The following CERS6 variants were observed in gnomAD, a reference collection of about 807,000 sequenced individuals.
CERS6 encodes the protein ceramide synthase 6, also known as LAG1 homolog, ceramide synthase 6.
CERS6 carries 26 observed loss-of-function variants against 56.8 expected under a neutral mutation model. The ratio of observed to expected loss-of-function variants is 0.46; its 90% CI spans 0.34 to 0.63. The LOEUF (loss-of-function observed/expected upper bound fraction) is 0.63. CERS6 is among the 30% of genes least tolerant of loss of function. CERS6 has a pLI of 0.01. For synonymous variants in CERS6, 164 were observed against 173.3 expected, an observed-to-expected ratio of 0.95 and a Z score of 0.42; for missense variants, 415 against 467.5, an observed-to-expected ratio of 0.89 and a Z score of 1.04.
At chr2:168,741,241 TTAA>T (rs1683892452) in intron 8 of CERS6, among the ~76,000 whole-genome samples, 1 of 152,144 alleles carries the variant, frequency 6.6e-6, no homozygotes, top group African/African-American at 2.4e-5. Flanking sequence ...GCTATGATGA[TTAA>T]TAATAGCAGT....
intron 4 of CERS6, among the ~76,000 whole-genome samples, chr2:168,645,108 A>T (rs1275296430): frequency 1.9e-4 from 13 of 67,532 alleles, no homozygotes; most frequent in African/African-American, 7.3e-4. Context: ...AAAAAAAAAA[A>T]AAAAAAAAAT....
chr2:168,593,083 CA>C (rs1266500411), intron 3 of CERS6, among the ~76,000 whole-genome samples: 2 of 152,202 alleles, frequency 1.3e-5, no homozygotes, highest in Non-Finnish European at 2.9e-5. Context: ...AGCAGCATAA[CA>C]TCTTCCAATC....
intron 3 of CERS6, among the ~76,000 whole-genome samples, chr2:168,629,916 C>T (rs1452340304): frequency 6.6e-6 from 1 of 151,632 alleles, no homozygotes; most frequent in Non-Finnish European, 1.5e-5. Flanking sequence ...CCCGGGTTCA[C>T]GCCATTCTCC....
chr2:168,656,666 G>A (rs2105323116), intron 4 of CERS6, among the ~76,000 whole-genome samples: 1 of 152,296 alleles, frequency 6.6e-6, no homozygotes, highest in East Asian at 1.9e-4. Context: ...AAGCAGCGTG[G>A]ACCCAAAGAG....
intron 3 of CERS6, among the ~76,000 whole-genome samples, chr2:168,593,058 T>A (rs1363933900): frequency 2.6e-5 from 4 of 152,148 alleles, no homozygotes; most frequent in Admixed American, 1.3e-4. Flanking sequence ...TGACCCTTCC[T>A]CCACTTTGAA....
intron 3 of CERS6, among the ~76,000 whole-genome samples, chr2:168,590,053 A>C (rs1353898907): frequency 6.6e-6 from 1 of 152,226 alleles, no homozygotes; most frequent in Non-Finnish European, 1.5e-5. Flanking sequence ...AGAAGACTCC[A>C]GAAGTGCTCA....
chr2:168,572,738 A>G (rs16855525), intron 3 of CERS6, among the ~76,000 whole-genome samples: 3,659 of 152,060 alleles, frequency 0.024, 142 homozygotes, highest in East Asian at 0.18. Flanking sequence ...GTTGTTCTCT[A>G]CTAGAGCACT....
intron 4 of CERS6, among the ~76,000 whole-genome samples, chr2:168,636,754 A>G (rs887073233): frequency 6.6e-6 from 1 of 151,928 alleles, no homozygotes; most frequent in Non-Finnish European, 1.5e-5. Flanking sequence ...CCTCTTGCAT[A>G]TGTTCTGATT....
intron 1 of CERS6, among the ~76,000 whole-genome samples, chr2:168,539,895 C>G (rs13432604): frequency 0.18 from 26,709 of 152,146 alleles, 2,678 homozygotes; most frequent in Non-Finnish European, 0.23. Context: ...TTAACTGTTT[C>G]ATCTGTTATT....
At chr2:168,698,236 GAAAAAA>G (rs1214508784) in intron 6 of CERS6, among the ~76,000 whole-genome samples, 6 of 124,992 alleles carry the variant, frequency 4.8e-5, no homozygotes, top group Admixed American at 1.6e-4. Flanking sequence ...TGTCTCACAG[GAAAAAA>G]AAAAAAAAAA....
At chr2:168,526,819 C>T (rs1695080168) in intron 1 of CERS6, among the ~76,000 whole-genome samples, 1 of 152,210 alleles carries the variant, frequency 6.6e-6, no homozygotes, top group African/African-American at 2.4e-5. Context: ...ATGTCCTGGT[C>T]AGTTAGTATC....
chr2:168,768,759 AGCTGGGCATGGTG>A (rs1212515722), intron 9 of CERS6, among the ~76,000 whole-genome samples: 3 of 151,916 alleles, frequency 2.0e-5, no homozygotes, highest in Non-Finnish European at 2.9e-5. Context: ...TACAAAAATT[AGCTGGGCATGGTG>A]GCTCATGCCT....
chr2:168,543,778 A>G (rs1415581976), intron 1 of CERS6, among the ~76,000 whole-genome samples: 1 of 152,174 alleles, frequency 6.6e-6, no homozygotes, highest in Non-Finnish European at 1.5e-5. Context: ...ATGTTGAAAA[A>G]GAGCATACCT....
chr2:168,651,274 G>A (rs944374837), intron 4 of CERS6, among the ~76,000 whole-genome samples: 3 of 152,036 alleles, frequency 2.0e-5, no homozygotes, highest in African/African-American at 7.2e-5. Context: ...TCCTTTTCTT[G>A]TTTAGTCACT....
intron 1 of CERS6, among the ~76,000 whole-genome samples, chr2:168,489,714 A>G (rs1344466814): frequency 6.6e-6 from 1 of 151,946 alleles, no homozygotes; most frequent in Admixed American, 6.6e-5. Flanking sequence ...CACAATATGC[A>G]CTTGTTTTTC....
At chr2:168,654,687 C>T (rs886699258) in intron 4 of CERS6, among the ~76,000 whole-genome samples, 1 of 152,166 alleles carries the variant, frequency 6.6e-6, no homozygotes, top group Admixed American at 6.5e-5. Flanking sequence ...ATTCTCTGGC[C>T]ATCGGTTAAT....
At chr2:168,577,981 C>A (rs1323747295) in intron 3 of CERS6, among the ~76,000 whole-genome samples, 1 of 152,020 alleles carries the variant, frequency 6.6e-6, no homozygotes, top group East Asian at 1.9e-4. Context: ...CGGTCACTCA[C>A]AAGTCACTAT....
In CERS6 at chr2:168,736,142, T is replaced by C. The variant is rs549786541; in HGVS notation, c.845+18164T>C. On this transcript the variant is annotated intron_variant, in intron 8 of 9. Transcript: ENST00000305747. ...CTTGATAAAATCAGCACTCTTCTCA[T>C]ACTTTTGTTACCATTACTGTAAGTA... Among the ~76,000 whole-genome samples, 18 of 152,340 alleles carry C rather than the reference T, an allele frequency of 1.2e-4. No individual in the cohort carries two copies. In the East Asian group the frequency reaches 3.5e-3, roughly 29 times the overall value.
intron 8 of CERS6, 60 bp from the exon 9 acceptor site, chr2:168,765,532 A>G: frequency 1.3e-6 from 2 of 1,563,710 alleles, no homozygotes; most frequent in East Asian, 2.3e-5. Context: ...CAGTGACTAG[A>G]GTTCCTTGGA....
Sources: gnomAD v4.1 joint callset for allele counts (sites outside exome capture counted in the v4.1 genomes callset) on GRCh38, gnomAD v4.1.1 for gene constraint, MANE v1.5 for transcripts, NCBI Gene and HGNC (gene_info 2026-07-23, HGNC 2026-07-21) for gene names.